Variants in PCLO observed in about 807,000 individuals in gnomAD.
PCLO encodes piccolo presynaptic cytomatrix protein, also known as protein piccolo.
A neutral mutation model predicts 427.5 loss-of-function variants in PCLO; 82 were observed. The observed-to-expected ratio is 0.19, with a 90% CI of 0.16 to 0.23. The LOEUF (loss-of-function observed/expected upper bound fraction) is 0.23, where lower values mean the gene tolerates loss of function less well. PCLO is among the 10% of genes least tolerant of loss of function. The pLI, the probability that PCLO is intolerant of heterozygous loss-of-function variation, is 1.00. For missense variants in PCLO, 6,239 were observed against 6,115.9 expected (o/e 1.02, Z -0.67); for synonymous variants, 2,357 against 2,155.4 (o/e 1.09, Z -2.59).
intron 10 of PCLO, among the ~76,000 whole-genome samples, chr7:82,860,816 A>G (rs1792934706): frequency 6.6e-6 from 1 of 152,058 alleles, no homozygotes; most frequent in Non-Finnish European, 1.5e-5. Context: ...AAGTGGGGGG[A>G]TGAAATTAAG....
intron 3 of PCLO, among the ~76,000 whole-genome samples, chr7:83,036,845 T>G (rs368142749): frequency 1.3e-5 from 2 of 152,236 alleles, no homozygotes; most frequent in East Asian, 1.9e-4. Context: ...CCCCTACTGA[T>G]TCCTAGCTCC....
At position 83,135,054 on chromosome 7, in the gene PCLO, T is replaced by A; in HGVS notation, c.2496A>T (p.Ser832=). 1 of 1,613,894 alleles carries A rather than the reference T, an allele frequency of 6.2e-7. No individual in the cohort carries two copies. Among genetic ancestry groups the A allele is most frequent in the Non-Finnish European group, 8.5e-7 (1 of 1,179,860 alleles). The change falls in exon 3 of 25, where the codon TCA becomes TCT. Residue 832 remains serine, a synonymous_variant. Transcript: ENST00000333891. ...TGCTCTCTGAACTGGGACCAGGATG[T>A]GAAATAATTTTTGAATCTGATGCAG... ...PRPASDSKII[S]HPGPSSESKG...
At chr7:83,032,507 C>G (rs2116153668) in intron 3 of PCLO, among the ~76,000 whole-genome samples, 1 of 149,918 alleles carries the variant, frequency 6.7e-6, no homozygotes, top group South Asian at 2.2e-4. Flanking sequence ...CACTTCCTTC[C>G]TTCCCTTTCT....
At chr7:83,065,909 T>C (rs1355556327) in intron 3 of PCLO, among the ~76,000 whole-genome samples, 1 of 152,104 alleles carries the variant, frequency 6.6e-6, no homozygotes, top group African/African-American at 2.4e-5. Context: ...TTAATTTGAT[T>C]ATCTTCTTGT....
chr7:82,806,969 T>C (rs1379849962), intron 20 of PCLO, among the ~76,000 whole-genome samples: 2 of 79,136 alleles, frequency 2.5e-5, no homozygotes, highest in Non-Finnish European at 5.0e-5. Flanking sequence ...TCTCAAGGTA[T>C]CCCCACTCTT....
At chr7:83,047,468 T>C (rs979552446) in intron 3 of PCLO, among the ~76,000 whole-genome samples, 13 of 152,072 alleles carry the variant, frequency 8.5e-5, no homozygotes, top group Admixed American at 8.5e-4. Flanking sequence ...TTGAAGATAC[T>C]GGAGATATTT....
intron 3 of PCLO, among the ~76,000 whole-genome samples, chr7:83,112,442 A>T (rs188173094): frequency 6.6e-6 from 1 of 152,176 alleles, no homozygotes; most frequent in Admixed American, 6.5e-5. Flanking sequence ...TCATAATGAC[A>T]AAGCTTTTTC....
At chr7:82,871,813 T>C (rs997471840) in intron 10 of PCLO, among the ~76,000 whole-genome samples, 4 of 151,794 alleles carry the variant, frequency 2.6e-5, no homozygotes, top group Non-Finnish European at 4.4e-5. Context: ...TCAGGGATGA[T>C]TGTTGAAAAA....
rs564777222 is a variant in PCLO at position 83,011,574 on chromosome 7, T to C, written c.3301-45087A>G. 1.1e-4 allele frequency among the ~76,000 whole-genome samples: 17 copies of C among 150,734 alleles called. No individual in the cohort carries two copies. In the South Asian group the frequency reaches 3.6e-3, roughly 32 times the overall value. ...TCAAGACAAATACATCACAATGAAATGTAAATGTCTAATACTATAATTTTA... is the reference window on the plus strand; with the variant it reads ...TCAAGACAAATACATCACAATGAAACGTAAATGTCTAATACTATAATTTTA... On this transcript the variant is annotated intron_variant, in intron 3 of 24. Coordinates refer to ENST00000333891, the MANE Select transcript of PCLO (RefSeq NM_033026.6).
At chr7:82,923,533 T>C (rs1410898165) in intron 6 of PCLO, among the ~76,000 whole-genome samples, 1 of 152,124 alleles carries the variant, frequency 6.6e-6, no homozygotes, top group East Asian at 1.9e-4. Context: ...ACCTTCAAAC[T>C]GTAAATGTGC....
chr7:83,130,090 G>A (rs1791532139), intron 3 of PCLO, among the ~76,000 whole-genome samples: 1 of 151,584 alleles, frequency 6.6e-6, no homozygotes, highest in Non-Finnish European at 1.5e-5. Context: ...TTTGCCATGG[G>A]TGCCAGAAAT....
At chr7:82,917,474 C>A (rs77685005) in intron 6 of PCLO, among the ~76,000 whole-genome samples, 5,862 of 152,034 alleles carry the variant, frequency 0.039, 389 homozygotes, top group African/African-American at 0.13. Flanking sequence ...ACCAATAAAA[C>A]TCCATTGGAA....
chr7:82,900,722 T>C (rs888268725), intron 9 of PCLO, among the ~76,000 whole-genome samples: 1 of 151,518 alleles, frequency 6.6e-6, no homozygotes, highest in African/African-American at 2.4e-5. Context: ...AAATGGTGGG[T>C]TTGTGGAAAA....
chr7:82,937,869 G>A (rs1037764793), intron 6 of PCLO, among the ~76,000 whole-genome samples: 3 of 151,818 alleles, frequency 2.0e-5, no homozygotes, highest in Admixed American at 1.3e-4. Context: ...TTCTTGCTAT[G>A]AGACTAAAAT....
intron 22 of PCLO, among the ~76,000 whole-genome samples, chr7:82,767,122 C>G (rs1790546660): frequency 6.6e-6 from 1 of 151,756 alleles, no homozygotes; most frequent in Non-Finnish European, 1.5e-5. Flanking sequence ...AGCCTTTGAA[C>G]AAAACAAACA....
chr7:83,073,136 GA>G (rs1789861470), intron 3 of PCLO, among the ~76,000 whole-genome samples: 1 of 151,786 alleles, frequency 6.6e-6, no homozygotes, highest in African/African-American at 2.4e-5. Flanking sequence ...GTGATAGCTG[GA>G]AATATTACAA....
intron 3 of PCLO, among the ~76,000 whole-genome samples, chr7:83,077,580 T>TA (rs1789988500): frequency 6.6e-6 from 1 of 152,002 alleles, no homozygotes; most frequent in African/African-American, 2.4e-5. Flanking sequence ...TAACCACAAA[T>TA]AAAAATGCTT....
In PCLO at chr7:82,951,361, T is replaced by C. The variant is rs199640765; in HGVS notation, c.9227A>G (p.Tyr3076Cys). ...ARMTPPPGPQ[Y>C]CVGSVLRSSN... is the part of the protein sequence containing the mutation. ...TGACCTCAAAACACTCCCCACACAA[T>C]ACTGGGGTCCTGGTGGTGGTGTCAT... The change falls in exon 6 of 25, where the codon TAT (tyrosine) becomes TGT (cysteine). Residue 3076 changes from tyrosine to cysteine, a missense_variant. Tyr to Cys is a radical substitution (Grantham distance 194, BLOSUM62 -2). Coordinates refer to ENST00000333891, the MANE Select transcript of PCLO (RefSeq NM_033026.6). 7 of 1,606,794 alleles carry C rather than the reference T, an allele frequency of 4.4e-6. No homozygotes were observed. The highest frequency in any genetic ancestry group is 5.1e-6 in the Non-Finnish European group (6 of 1,176,280).
At chr7:83,047,454 T>G (rs1329956404) in intron 3 of PCLO, among the ~76,000 whole-genome samples, 1 of 152,066 alleles carries the variant, frequency 6.6e-6, no homozygotes, top group Non-Finnish European at 1.5e-5. Context: ...CCTGTAAATA[T>G]TCATTGAAGA....
Sources: gnomAD v4.1 joint callset for allele counts (sites outside exome capture counted in the v4.1 genomes callset) on GRCh38, gnomAD v4.1.1 for gene constraint, MANE v1.5 for transcripts, NCBI Gene and HGNC (gene_info 2026-07-23, HGNC 2026-07-21) for gene names.